Variants in ACVR1 observed in about 807,000 individuals in gnomAD.
The protein encoded by ACVR1 is activin A receptor type 1, also known as activin receptor type-1.
ACVR1 carries 38 observed loss-of-function variants against 57.1 expected under a neutral mutation model. The observed-to-expected ratio is 0.67, with a 90% CI of 0.51 to 0.87. ACVR1 has a LOEUF of 0.87. ACVR1 is among the 40% of genes least tolerant of loss of function. The pLI, the probability that ACVR1 is intolerant of heterozygous loss-of-function variation, is 0.00. For synonymous variants in ACVR1, 212 were observed against 228.1 expected (o/e 0.93, Z 0.63); for missense variants, 463 against 638.2 (o/e 0.73, Z 2.96).
chr2:157,766,225 A>G, intron 7 of ACVR1, 29 bp from the exon 8 acceptor site: 1 of 1,609,922 alleles, frequency 6.2e-7, no homozygotes, highest in Non-Finnish European at 8.5e-7. Flanking sequence ...AAATTAATAT[A>G]CATGAGGATT....
chr2:157,831,617 A>C (rs1688582312), intron 1 of ACVR1, among the ~76,000 whole-genome samples: 1 of 152,212 alleles, frequency 6.6e-6, no homozygotes, highest in African/African-American at 2.4e-5. Flanking sequence ...ACTGGGTTAA[A>C]ATTTCAAAAG....
intron 3 of ACVR1, among the ~76,000 whole-genome samples, chr2:157,780,868 A>G (rs1445137947): frequency 2.0e-5 from 3 of 152,198 alleles, no homozygotes; most frequent in Non-Finnish European, 4.4e-5. Flanking sequence ...TCATCTGTCC[A>G]CAGACTTCTG....
chr2:157,753,296 G>A (rs1198804813), intron 9 of ACVR1, among the ~76,000 whole-genome samples: 6 of 152,208 alleles, frequency 3.9e-5, no homozygotes, highest in South Asian at 2.1e-4. Flanking sequence ...TTGGGAGGCC[G>A]AGGCGGGCAG....
In ACVR1 at chr2:157,858,641, G is replaced by A. The variant is rs144490555; in HGVS notation, c.-183+17155C>T. Among the ~76,000 whole-genome samples the A allele has an allele frequency of 4.0e-3, 601 of 151,686 alleles. 5 individuals are homozygous for A. The highest frequency in any genetic ancestry group is 0.014 in the African/African-American group (572 of 41,400). On this transcript the variant is annotated intron_variant, in intron 1 of 10. Transcript: ENST00000434821. ...TGGTTATGGATTACATAACCATTAC[G>A]CCCTGCTAATTTTTCTATTTTTGTC...
At chr2:157,799,793 G>A (rs967639653) in intron 2 of ACVR1, among the ~76,000 whole-genome samples, 6 of 152,164 alleles carry the variant, frequency 3.9e-5, no homozygotes, top group African/African-American at 1.4e-4. Flanking sequence ...CAGCTACAAA[G>A]TGAGGCAGTC....
In ACVR1 at chr2:157,815,213, ATATATGCATGTATAT is replaced by A. The variant is rs376429444; in HGVS notation, c.-8+3157_-8+3171del. Among the ~76,000 whole-genome samples, 798 of 152,290 alleles carry A rather than the reference ATATATGCATGTATAT, an allele frequency of 5.2e-3. 7 individuals are homozygous for A. Among genetic ancestry groups the A allele is most frequent in the African/African-American group, 0.018 (740 of 41,536 alleles). ...CCATGTGTGTAAAAGAAAAATTGTA[ATATATGCATGTATAT>A]TATATGCATGTATATTATATATACT... is the stretch of plus-strand genomic sequence containing the variant. On this transcript the variant is annotated intron_variant, in intron 2 of 10. Coordinates refer to ENST00000434821, the MANE Select transcript of ACVR1 (RefSeq NM_001111067.4).
chr2:157,760,649 C>A (rs1685610178), intron 9 of ACVR1, among the ~76,000 whole-genome samples: 1 of 152,148 alleles, frequency 6.6e-6, no homozygotes, highest in Middle Eastern at 3.2e-3. Flanking sequence ...CAAGGAATGG[C>A]TGGTCTCTTC....
intron 9 of ACVR1, among the ~76,000 whole-genome samples, chr2:157,745,279 C>G (rs1684925096): frequency 6.6e-6 from 1 of 152,088 alleles, no homozygotes. Flanking sequence ...AACAAGACAG[C>G]CTTAGAGCTT....
intron 5 of ACVR1, among the ~76,000 whole-genome samples, chr2:157,777,660 C>G (rs1686344374): frequency 6.6e-6 from 1 of 152,118 alleles, no homozygotes; most frequent in Non-Finnish European, 1.5e-5. Context: ...CAGGAGCATA[C>G]AAAATTTAAA....
At chr2:157,855,323 TACACACACAC>T (rs138199528) in intron 1 of ACVR1, among the ~76,000 whole-genome samples, 1 of 108,552 alleles carries the variant, frequency 9.2e-6, no homozygotes, top group African/African-American at 3.9e-5. Context: ...TATATATATA[TACACACACAC>T]ACACACACAC....
intron 3 of ACVR1, 90 bp downstream of exon 3, chr2:157,799,337 G>A: frequency 1.1e-6 from 1 of 870,548 alleles, no homozygotes; most frequent in South Asian, 1.5e-5. Flanking sequence ...AGTGTTTTAA[G>A]TTTGATAGGC....
At chr2:157,797,703 T>C (rs1047945732) in intron 3 of ACVR1, among the ~76,000 whole-genome samples, 1 of 152,094 alleles carries the variant, frequency 6.6e-6, no homozygotes, top group Non-Finnish European at 1.5e-5. Context: ...AAGTGAGTAA[T>C]GAAAGTAAGT....
chr2:157,824,461 C>G (rs1356533771), intron 1 of ACVR1, among the ~76,000 whole-genome samples: 1 of 152,056 alleles, frequency 6.6e-6, no homozygotes, highest in East Asian at 1.9e-4. Flanking sequence ...GAGCAAGATC[C>G]TGTCAAAAAA....
At chr2:157,866,323 C>T (rs1337674110) in intron 1 of ACVR1, among the ~76,000 whole-genome samples, 6 of 151,908 alleles carry the variant, frequency 3.9e-5, no homozygotes, top group African/African-American at 1.2e-4. Context: ...TGTCCTAAAA[C>T]AATAAGACTT....
intron 2 of ACVR1, among the ~76,000 whole-genome samples, chr2:157,808,826 T>C (rs943282191): frequency 2.7e-5 from 4 of 148,172 alleles, no homozygotes; most frequent in Non-Finnish European, 5.9e-5. Flanking sequence ...GAAAAATAGA[T>C]CCGGCTGATG....
chr2:157,746,370 G>A (rs900786552), intron 9 of ACVR1, among the ~76,000 whole-genome samples: 2 of 152,178 alleles, frequency 1.3e-5, no homozygotes, highest in African/African-American at 2.4e-5. Context: ...TCGAGTCAGA[G>A]AGTATGACGT....
rs953198099 is a variant in ACVR1 at position 157,792,074 on chromosome 2, A to T, written c.67+7353T>A. ...AGACAAAACAAATGCAGCAAGAAATAAAACGAAGGAGTCATCCCCACCCCA... is the reference window on the plus strand; with the variant it reads ...AGACAAAACAAATGCAGCAAGAAATTAAACGAAGGAGTCATCCCCACCCCA... On this transcript the variant is annotated intron_variant, in intron 3 of 10. Coordinates refer to ENST00000434821, the MANE Select transcript of ACVR1 (RefSeq NM_001111067.4). 9.2e-5 allele frequency among the ~76,000 whole-genome samples: 14 copies of T among 152,300 alleles called. No homozygotes were observed. The South Asian group carries it at 2.9e-3, about 32-fold the overall frequency.
At chr2:157,740,781 T>TC (rs1574004120) in intron 9 of ACVR1, among the ~76,000 whole-genome samples, 2 of 152,228 alleles carry the variant, frequency 1.3e-5, no homozygotes. Context: ...CCCTTGTGTT[T>TC]CCGTTTCCCA....
chr2:157,848,991 A>T (rs1345229273), intron 1 of ACVR1, among the ~76,000 whole-genome samples: 2 of 152,204 alleles, frequency 1.3e-5, no homozygotes, highest in African/African-American at 4.8e-5. Context: ...ATAATCTGTC[A>T]TCTAATCTAG....
Sources: allele counts gnomAD v4.1 joint callset (sites outside exome capture counted in the v4.1 genomes callset), GRCh38; gene constraint gnomAD v4.1.1; transcripts MANE v1.5; gene names NCBI Gene and HGNC (gene_info 2026-07-23, HGNC 2026-07-21).